The following SOX6 variants were observed in gnomAD, a reference collection of about 807,000 sequenced individuals.
SOX6 encodes the protein transcription factor SOX-6.
A neutral mutation model predicts 97.8 loss-of-function variants in SOX6; 11 were observed. The ratio of observed to expected loss-of-function variants is 0.11; its 90% CI spans 0.07 to 0.19. The LOEUF is 0.19. Among genes scored for constraint, SOX6 ranks in the 10% least tolerant of loss-of-function variants. SOX6 has a pLI of 1.00. For missense variants in SOX6, 810 were observed against 1,039.5 expected (o/e 0.78, Z 3.04); for synonymous variants, 360 against 371.4 (o/e 0.97, Z 0.35).
At chr11:16,375,765 C>T (rs1040100440) in intron 1 of SOX6, among the ~76,000 whole-genome samples, 7 of 152,132 alleles carry the variant, frequency 4.6e-5, no homozygotes, top group African/African-American at 1.4e-4. Flanking sequence ...TTCACAATAG[C>T]AGACTTGGAA....
chr11:16,501,697 A>T (rs1860711782), intron 4 of SOX6, among the ~76,000 whole-genome samples: 1 of 152,258 alleles, frequency 6.6e-6, no homozygotes, highest in Non-Finnish European at 1.5e-5. Flanking sequence ...TGCAGCCAAA[A>T]GACACATGAA....
chr11:16,275,311 G>A (rs1285684404), intron 3 of SOX6, among the ~76,000 whole-genome samples: 12 of 148,702 alleles, frequency 8.1e-5, no homozygotes, highest in African/African-American at 3.0e-4. Flanking sequence ...AAAAATAGCC[G>A]GGTGTGGTGG....
intron 7 of SOX6, among the ~76,000 whole-genome samples, chr11:16,100,272 A>G (rs1174436360): frequency 1.3e-5 from 2 of 151,762 alleles, no homozygotes; most frequent in Non-Finnish European, 2.9e-5. Flanking sequence ...ATGAGGACCC[A>G]TTCTTTTAAA....
At chr11:16,578,731 AG>A (rs1848006020) in intron 4 of SOX6, among the ~76,000 whole-genome samples, 4 of 152,174 alleles carry the variant, frequency 2.6e-5, no homozygotes, top group Admixed American at 1.3e-4. Context: ...AGGAGTGCAG[AG>A]AAATATTAGA....
At chr11:16,499,365 T>G (rs538542235) in intron 4 of SOX6, among the ~76,000 whole-genome samples, 2 of 151,962 alleles carry the variant, frequency 1.3e-5, no homozygotes, top group Admixed American at 6.5e-5. Flanking sequence ...AGGAAAGATC[T>G]AAAATTAACA....
intron 9 of SOX6, among the ~76,000 whole-genome samples, chr11:16,081,093 A>T (rs1848462995): frequency 6.6e-6 from 1 of 152,128 alleles, no homozygotes. Flanking sequence ...CATCTCTAAA[A>T]AAAAATAATA....
chr11:16,108,321 C>A (rs1249179545), intron 7 of SOX6, among the ~76,000 whole-genome samples: 1 of 152,076 alleles, frequency 6.6e-6, no homozygotes, highest in Admixed American at 6.5e-5. Flanking sequence ...TAGCCGCAAT[C>A]ATGTAAAAAA....
intron 3 of SOX6, among the ~76,000 whole-genome samples, chr11:16,270,873 G>A (rs1190738124): frequency 6.6e-6 from 1 of 151,418 alleles, no homozygotes; most frequent in African/African-American, 2.4e-5. Context: ...CAGGACTGGG[G>A]AATGGGAAGT....
intron 3 of SOX6, among the ~76,000 whole-genome samples, chr11:16,265,796 TG>T (rs1177712815): frequency 1.3e-5 from 2 of 151,858 alleles, no homozygotes; most frequent in African/African-American, 4.8e-5. Flanking sequence ...AAAACCAAAA[TG>T]TCTGAAATGA....
chr11:16,521,958 C>A (rs919381649), intron 4 of SOX6, among the ~76,000 whole-genome samples: 3 of 152,124 alleles, frequency 2.0e-5, no homozygotes, highest in African/African-American at 7.2e-5. Context: ...TGAACAAAGC[C>A]TCCAAGAAAT....
At chr11:16,617,292 TAATAAC>T (rs1380964759) in intron 3 of SOX6, among the ~76,000 whole-genome samples, 2 of 151,854 alleles carry the variant, frequency 1.3e-5, no homozygotes, top group Non-Finnish European at 3.0e-5. Context: ...TTGTTTAAGA[TAATAAC>T]AAATGAAAAG....
chr11:16,132,441 GAAA>G (rs776478066), intron 6 of SOX6, among the ~76,000 whole-genome samples: 1,470 of 54,286 alleles, frequency 0.027, 74 homozygotes, highest in Admixed American at 0.035. Flanking sequence ...AAGAAAGAAA[GAAA>G]AAAGAAAGAA....
intron 3 of SOX6, among the ~76,000 whole-genome samples, chr11:16,656,899 C>T (rs1847724038): frequency 2.0e-5 from 3 of 152,110 alleles, no homozygotes; most frequent in South Asian, 2.1e-4. Flanking sequence ...CACAGTTTCC[C>T]CTATTATTAA....
At position 16,509,593 on chromosome 11, in the gene SOX6, A is replaced by C. The variant is rs1860846726; in HGVS notation, n.610-33205T>G. Among the ~76,000 whole-genome samples, 4 of 152,236 alleles carry C rather than the reference A, an allele frequency of 2.6e-5. No individual in the cohort carries two copies. In the Middle Eastern group the frequency reaches 0.014, roughly 518 times the overall value. ...TTTTAGTACTGTGCTAATAAATACC[A>C]GAGTAAACACTATAGAATAAGTTCA... is the stretch of plus-strand genomic sequence containing the variant. On this transcript the variant is annotated intron_variant and non_coding_transcript_variant, in intron 4 of 5. Coordinates refer to the SOX6 transcript ENST00000524520.
intron 4 of SOX6, among the ~76,000 whole-genome samples, chr11:16,565,997 G>T (rs1295491008): frequency 6.6e-6 from 1 of 151,616 alleles, no homozygotes; most frequent in Non-Finnish European, 1.5e-5. Flanking sequence ...TCGAGAGGCT[G>T]AGGCAGGAGA....
chr11:16,661,797 AC>A (rs1397598184), intron 3 of SOX6, among the ~76,000 whole-genome samples: 2 of 151,966 alleles, frequency 1.3e-5, no homozygotes, highest in African/African-American at 4.8e-5. Context: ...TGATCCTCCC[AC>A]CTTGGCCTCC....
At chr11:16,460,266 T>C (rs1859895772) in intron 1 of SOX6, among the ~76,000 whole-genome samples, 1 of 151,994 alleles carries the variant, frequency 6.6e-6, no homozygotes, top group African/African-American at 2.4e-5. Flanking sequence ...CAAGGACAAA[T>C]GACTAGGTTT....
intron 4 of SOX6, among the ~76,000 whole-genome samples, chr11:16,212,754 G>A (rs755421480): frequency 6.6e-6 from 1 of 152,008 alleles, no homozygotes; most frequent in Non-Finnish European, 1.5e-5. Context: ...TTTCCAATCC[G>A]ATGGATGCAA....
intron 4 of SOX6, among the ~76,000 whole-genome samples, chr11:16,517,835 G>A (rs529473442): frequency 6.6e-6 from 1 of 152,058 alleles, no homozygotes; most frequent in Non-Finnish European, 1.5e-5. Context: ...TCTGTCACTA[G>A]GTTCATTTCC....
Sources: allele counts gnomAD v4.1 joint callset (sites outside exome capture counted in the v4.1 genomes callset), GRCh38; gene constraint gnomAD v4.1.1; transcripts MANE v1.5; gene names NCBI Gene and HGNC (gene_info 2026-07-23, HGNC 2026-07-21).